CBX5: variants seen among roughly 807,000 people sequenced by gnomAD.
The protein encoded by CBX5 is chromobox protein homolog 5.
In CBX5, 7 loss-of-function variants were observed where a neutral mutation model predicts 20.7. The observed-to-expected ratio is 0.34, with a 90% CI of 0.19 to 0.63. The LOEUF (loss-of-function observed/expected upper bound fraction) is 0.63, where lower values mean the gene tolerates loss of function less well. CBX5 is among the 30% of genes least tolerant of loss of function. The pLI, the probability that CBX5 is intolerant of heterozygous loss-of-function variation, is 0.75. For missense variants in CBX5, 110 were observed against 224.1 expected, an observed-to-expected ratio of 0.49 and a Z score of 3.25; for synonymous variants, 78 against 77.0, an observed-to-expected ratio of 1.01 and a Z score of -0.07.
intron 1 of CBX5, among the ~76,000 whole-genome samples, chr12:54,260,336 CA>C (rs879235697): frequency 1.3e-4 from 19 of 151,604 alleles, no homozygotes; most frequent in Non-Finnish European, 2.4e-4. Flanking sequence ...ACTAAAAATA[CA>C]AAAAAATTAG....
chr12:54,241,422 T>A lies in CBX5; in HGVS notation c.*333A>T. On this transcript the variant is annotated 3_prime_UTR_variant, in exon 5 of 5. Transcript: ENST00000209875. ...CCCCAACCTAAAAAGCGACCAACCC[T>A]GAAAAGATCAAGACTCTAAGGTGAT... 1 of 192,942 alleles carries A rather than the reference T, an allele frequency of 5.2e-6. No individual in the cohort carries two copies. 12.0% of individuals were successfully genotyped at this position (192,942 alleles called of 1,614,324 possible).
intron 1 of CBX5, among the ~76,000 whole-genome samples, chr12:54,279,666 C>A (rs535019289): frequency 5.5e-4 from 83 of 152,252 alleles, no homozygotes; most frequent in African/African-American, 1.7e-3. Context: ...CTGGAGAAGC[C>A]CAACCTACCG....
intron 3 of CBX5, among the ~76,000 whole-genome samples, chr12:54,251,085 C>G (rs1032005033): frequency 6.6e-6 from 1 of 150,758 alleles, no homozygotes; most frequent in African/African-American, 2.4e-5. Flanking sequence ...GAGCCAAGAT[C>G]GCACTATTGC....
chr12:54,278,267 C>T (rs1346278277), intron 1 of CBX5, among the ~76,000 whole-genome samples: 2 of 152,204 alleles, frequency 1.3e-5, no homozygotes, highest in Admixed American at 6.5e-5. Context: ...TGCTGAGAAA[C>T]CTTGCTGTAG....
chr12:54,266,875 A>G (rs1215437835), intron 1 of CBX5, among the ~76,000 whole-genome samples: 1 of 152,182 alleles, frequency 6.6e-6, no homozygotes, highest in Non-Finnish European at 1.5e-5. Flanking sequence ...ATAGAATAAG[A>G]TGTTGCCCTA....
At chr12:54,247,825 T>C (rs1342014909) in intron 3 of CBX5, among the ~76,000 whole-genome samples, 1 of 151,304 alleles carries the variant, frequency 6.6e-6, no homozygotes, top group African/African-American at 2.4e-5. Flanking sequence ...AGGTGCCTGC[T>C]ACCACCCCTG....
intron 1 of CBX5, chr12:54,272,903 C>T (rs1862054470): frequency 6.6e-6 from 1 of 152,208 alleles, no homozygotes; most frequent in South Asian, 2.1e-4. Context: ...GGGCAAATGG[C>T]TCACCCATGG....
intron 1 of CBX5, chr12:54,273,141 A>T (rs964329993): frequency 8.5e-5 from 13 of 152,150 alleles, no homozygotes; most frequent in Non-Finnish European, 1.3e-4. Flanking sequence ...ATAGCAAAAG[A>T]TGTGATTAAA....
rs367858847 is a variant in CBX5 at position 54,238,179 on chromosome 12, ACT to A, written c.*3574_*3575del. ...CACTCCAGCCTGGTGACAGAGCGAG[ACT>A]CTGTCTAAAAAAAATAAATAAATAA... On this transcript the variant is annotated 3_prime_UTR_variant, in exon 5 of 5. Coordinates refer to ENST00000209875, the MANE Select transcript of CBX5 (RefSeq NM_012117.3). 7.6e-4 allele frequency: 115 copies of A among 152,216 alleles called. No homozygotes were observed. Among genetic ancestry groups the A allele is most frequent in the African/African-American group, 2.7e-3 (111 of 41,518 alleles). The allele number at this position is 152,216 out of a possible 1,614,324, so 9.4% of individuals were successfully genotyped here. A position where few individuals can be genotyped will look rare whatever the true frequency, so the allele number is the denominator to read the frequency against.
At chr12:54,260,463 C>T (rs948568992) in intron 1 of CBX5, among the ~76,000 whole-genome samples, 1 of 151,826 alleles carries the variant, frequency 6.6e-6, no homozygotes, top group Non-Finnish European at 1.5e-5. Context: ...CACTGCACTC[C>T]AGCCTGGGCG....
At position 54,257,564 on chromosome 12, in the gene CBX5, G is replaced by A. The variant is rs747285924; in HGVS notation, c.87C>T (p.Arg29=). The part of the protein sequence containing the change: ...EYVVEKVLDR[R]VVKGQVEYLL... The stretch of plus-strand genomic sequence containing the variant: ...GATATTCCACTTGTCCCTTAACCAC[G>A]CGCCTGTCTAGCACCTTCTCCACAA... The change falls in exon 2 of 5, where the codon CGC becomes CGT. Residue 29 remains arginine (R), a synonymous_variant. Coordinates refer to ENST00000209875, the MANE Select transcript of CBX5 (RefSeq NM_012117.3). The A allele has an allele frequency of 1.3e-5, 21 of 1,613,936 alleles. No individual in the cohort carries two copies. Among genetic ancestry groups the A allele is most frequent in the Non-Finnish European group, 1.6e-5 (19 of 1,180,000 alleles).
intron 3 of CBX5, among the ~76,000 whole-genome samples, chr12:54,251,555 G>A (rs368021809): frequency 2.6e-5 from 4 of 151,136 alleles, no homozygotes; most frequent in Non-Finnish European, 1.5e-5. Context: ...GCCAGGTGTG[G>A]TGGCATGTGC....
In CBX5 at chr12:54,241,642, A is replaced by C; in HGVS notation, c.*113T>G. The C allele has an allele frequency of 1.0e-6, 1 of 969,002 alleles. No homozygotes were observed. The allele number at this position is 969,002 out of a possible 1,614,324, so 60.0% of individuals were successfully genotyped here. On this transcript the variant is annotated 3_prime_UTR_variant, in exon 5 of 5. Coordinates refer to ENST00000209875, the MANE Select transcript of CBX5 (RefSeq NM_012117.3). Reference sequence around the variant, plus strand: ...CATTTCTCCTGTGGAGCACAGTGATAAGCACATTTTTTATGGATGTGTTTA... The same window carrying C: ...CATTTCTCCTGTGGAGCACAGTGATCAGCACATTTTTTATGGATGTGTTTA...
In CBX5 at chr12:54,233,292, C is replaced by G. The variant is rs1481518469; in HGVS notation, c.*8463G>C. The G allele has an allele frequency of 2.6e-5, 4 of 152,098 alleles. No individual in the cohort carries two copies. The highest frequency in any genetic ancestry group is 4.4e-5 in the Non-Finnish European group (3 of 68,020). 9.4% of individuals were successfully genotyped at this position (152,098 alleles called of 1,614,324 possible). On this transcript the variant is annotated 3_prime_UTR_variant, in exon 5 of 5. Coordinates refer to ENST00000209875, the MANE Select transcript of CBX5 (RefSeq NM_012117.3). ...AACAAAAAAAAGGTAGAAGAAAAAA[C>G]AGTTATGTCTTTTCTCCCCCTTTGG... is the stretch of plus-strand genomic sequence containing the variant.
chr12:54,273,037 G>A (rs559443669), intron 1 of CBX5: 1 of 152,206 alleles, frequency 6.6e-6, no homozygotes, highest in South Asian at 2.1e-4. Context: ...TATTTGGGTA[G>A]AGGTTAGGGA....
intron 1 of CBX5, among the ~76,000 whole-genome samples, chr12:54,265,310 C>T (rs1943946772): frequency 6.6e-6 from 1 of 152,204 alleles, no homozygotes; most frequent in Non-Finnish European, 1.5e-5. Flanking sequence ...CTTTATGGAG[C>T]TTGAAGTACT....
chr12:54,250,590 G>A, intron 3 of CBX5, among the ~76,000 whole-genome samples: 1 of 150,366 alleles, frequency 6.7e-6, no homozygotes. Flanking sequence ...TGGATCATGA[G>A]GTCAGGAGAT....
At chr12:54,245,716 G>A (rs749929377) in intron 4 of CBX5, among the ~76,000 whole-genome samples, 16 of 151,602 alleles carry the variant, frequency 1.1e-4, no homozygotes, top group East Asian at 3.9e-4. Flanking sequence ...GCTTGAACCC[G>A]GAGGCGGAGG....
chr12:54,254,876 A>C (rs1457913034), intron 2 of CBX5, among the ~76,000 whole-genome samples: 1 of 151,960 alleles, frequency 6.6e-6, no homozygotes, highest in Non-Finnish European at 1.5e-5. Flanking sequence ...AGAAGTCAAG[A>C]AAAAAAATTC....
Sources: allele counts gnomAD v4.1 joint callset (sites outside exome capture counted in the v4.1 genomes callset), GRCh38; gene constraint gnomAD v4.1.1; transcripts MANE v1.5; gene names NCBI Gene and HGNC (gene_info 2026-07-23, HGNC 2026-07-21).